Variants in OR1C1 observed in about 807,000 individuals in gnomAD.
OR1C1 encodes olfactory receptor family 1 subfamily C member 1.
For synonymous variants in OR1C1, 153 were observed against 154.6 expected (o/e 0.99, Z 0.08); for missense variants, 407 against 384.3 (o/e 1.06, Z -0.49).
rs900307486 is a variant in OR1C1 at position 247,760,506 on chromosome 1, A to G, written c.-108T>C. The G allele has an allele frequency of 1.3e-5, 2 of 151,046 alleles. No individual in the cohort carries two copies. Among genetic ancestry groups the G allele is most frequent in the Admixed American group, 6.6e-5 (1 of 15,224 alleles). The allele number at this position is 151,046 out of a possible 1,614,324, so 9.4% of individuals were successfully genotyped here. On this transcript the variant is annotated 5_prime_UTR_variant, in exon 1 of 2. Coordinates refer to ENST00000641256, the MANE Select transcript of OR1C1 (RefSeq NM_012353.3). ...GACCTATGCATTGATTCAGATTTCTAGTCAAGAGTGAAAAAGAGAAGAATG... is the reference window on the plus strand; with the variant it reads ...GACCTATGCATTGATTCAGATTTCTGGTCAAGAGTGAAAAAGAGAAGAATG...
Position 247,757,861 on chromosome 1 carries a change from A to G in OR1C1, c.546T>C (p.Asn182=), listed in dbSNP as rs1572502429. The G allele has an allele frequency of 6.2e-7, 1 of 1,614,054 alleles. No individual in the cohort carries two copies. The highest frequency in any genetic ancestry group is 1.6e-4 in the Middle Eastern group (1 of 6,062). The change falls in exon 2 of 2, where the codon AAT becomes AAC. Residue 182 remains asparagine, a synonymous_variant. Coordinates refer to ENST00000641256, the MANE Select transcript of OR1C1 (RefSeq NM_012353.3). The part of the protein sequence containing the change: ...NIIHHFFCDL[N]PLLQLSCSDV... Reference sequence around the variant, plus strand: ...CAGAGCAAGAGAGCTGCAGGAGAGGATTGAGATCACAGAAGAAATGATGGA... The same window carrying G: ...CAGAGCAAGAGAGCTGCAGGAGAGGGTTGAGATCACAGAAGAAATGATGGA...
Position 247,758,332 on chromosome 1 carries a change from G to T in OR1C1, c.75C>A (p.His25Gln), listed in dbSNP as rs1661265848. Residue 25 changes from histidine to glutamine, a missense_variant, in exon 2 of 2, where the codon CAC becomes CAA. Physicochemically the swap from His to Gln is conservative, Grantham distance 24. Transcript: ENST00000641256. Reference protein sequence around the residue: ...LGLPSSAEQQHLLSVLFLCMY... With the variant: ...LGLPSSAEQQQLLSVLFLCMY... ...TACAGAGAAAGAGCACAGACAGGAG[G>T]TGCTGCTGCTCTGCTGAGCTAGGAA... 2.5e-6 allele frequency: 4 copies of T among 1,613,730 alleles called. No individual in the cohort carries two copies. Among genetic ancestry groups the T allele is most frequent in the Non-Finnish European group, 3.4e-6 (4 of 1,179,716 alleles).
At position 247,756,149 on chromosome 1, in the gene OR1C1, CAG is replaced by C. The variant is rs939137272; in HGVS notation, c.*1311_*1312del. The C allele has an allele frequency of 1.5e-3, 230 of 152,180 alleles. 1 individual carries two copies. Among genetic ancestry groups the C allele is most frequent in the African/African-American group, 5.3e-3 (219 of 41,536 alleles). The allele number at this position is 152,180 out of a possible 1,614,324, so 9.4% of individuals were successfully genotyped here. ...CATTTTTAAACTGTTATTTTAGATT[CAG>C]GGGTACATGTGCAGATTTGCACAGG... On this transcript the variant is annotated 3_prime_UTR_variant, in exon 2 of 2. Transcript: ENST00000641256. This position sits in a 1 kb window ranked among gnomAD's most constrained non-coding sequence, Gnocchi z 4.3.
rs888721291 is a variant in OR1C1, at chr1:247,756,316, T to A, written c.*1146A>T. Reference sequence around the variant, plus strand: ...TGTTAGAAGAGCTAAAATATCTATATCAACATTGTTGCTTTTTTGAAGAAA... The same window carrying A: ...TGTTAGAAGAGCTAAAATATCTATAACAACATTGTTGCTTTTTTGAAGAAA... On this transcript the variant is annotated 3_prime_UTR_variant, in exon 2 of 2. Coordinates refer to ENST00000641256, the MANE Select transcript of OR1C1 (RefSeq NM_012353.3). This position sits in a 1 kb window ranked among gnomAD's most constrained non-coding sequence, Gnocchi z 4.3. 6.6e-6 allele frequency: 1 copy of A among 152,200 alleles called. No individual in the cohort carries two copies. Among genetic ancestry groups the A allele is most frequent in the Non-Finnish European group, 1.5e-5 (1 of 68,034 alleles). 9.4% of individuals were successfully genotyped at this position (152,200 alleles called of 1,614,324 possible). A position where few individuals can be genotyped will look rare whatever the true frequency, so the allele number is the denominator to read the frequency against.
chr1:247,759,785 C>T (rs1234778574), intron 1 of OR1C1, among the ~76,000 whole-genome samples: 1 of 152,128 alleles, frequency 6.6e-6, no homozygotes, highest in Non-Finnish European at 1.5e-5. Flanking sequence ...CCTCTGATTC[C>T]TGTCAACTTT....
chr1:247,757,452 A>C lies in OR1C1; in HGVS notation c.*10T>G. Reference sequence around the variant, plus strand: ...CACATTAGTATTATTTAATTCAGTCACTGAGGTCATTATTGCTGCTGAAAG... The same window carrying C: ...CACATTAGTATTATTTAATTCAGTCCCTGAGGTCATTATTGCTGCTGAAAG... On this transcript the variant is annotated 3_prime_UTR_variant, in exon 2 of 2. Coordinates refer to ENST00000641256, the MANE Select transcript of OR1C1 (RefSeq NM_012353.3). The C allele has an allele frequency of 6.3e-7, 1 of 1,597,448 alleles. No individual in the cohort carries two copies. The highest frequency in any genetic ancestry group is 8.6e-7 in the Non-Finnish European group (1 of 1,166,970).
Position 247,757,596 on chromosome 1 carries a change from C to T in OR1C1, c.811G>A (p.Asp271Asn), listed in dbSNP as rs774677753. 64 of 1,613,990 alleles carry T rather than the reference C, an allele frequency of 4.0e-5. 1 individual carries two copies. The highest frequency in any genetic ancestry group is 3.3e-4 in the Middle Eastern group (2 of 6,062). Residue 271 changes from aspartate to asparagine, a missense_variant, in exon 2 of 2, where the codon GAC (aspartate) becomes AAC (asparagine). Physicochemically the swap from Asp to Asn is conservative, Grantham distance 23. Transcript: ENST00000641256. ...GAATACATGATGGTTGACAGAGTGT[C>T]GCTCTCAGGCATATGGGGGGATGAA... Reference protein sequence around the residue: ...SPSSPHMPESDTLSTIMYSMV... With the variant: ...SPSSPHMPESNTLSTIMYSMV...
In OR1C1 at chr1:247,760,490, A is replaced by G. The variant is rs1661312858; in HGVS notation, c.-92T>C. The G allele has an allele frequency of 6.6e-6, 1 of 152,156 alleles. No homozygotes were observed. Among genetic ancestry groups the G allele is most frequent in the Non-Finnish European group, 1.5e-5 (1 of 68,026 alleles). The allele number at this position is 152,156 out of a possible 1,614,324, so 9.4% of individuals were successfully genotyped here. A position where few individuals can be genotyped will look rare whatever the true frequency, so the allele number is the denominator to read the frequency against. ...CACAAAAGCATAGATGGACCTATGC[A>G]TTGATTCAGATTTCTAGTCAAGAGT... is the stretch of plus-strand genomic sequence containing the variant. On this transcript the variant is annotated 5_prime_UTR_variant, in exon 1 of 2. An upstream start codon of the reference 5' UTR is lost. Transcript: ENST00000641256.
chr1:247,757,946 A>G lies in OR1C1; in HGVS notation c.461T>C (p.Leu154Pro). The G allele has an allele frequency of 6.2e-7, 1 of 1,614,046 alleles. No individual in the cohort carries two copies. The highest frequency in any genetic ancestry group is 8.5e-7 in the Non-Finnish European group (1 of 1,179,984). Residue 154 changes from leucine (L) to proline (P), a missense_variant, in exon 2 of 2, where the codon CTC becomes CCC. Transcript: ENST00000641256. ...LVAGLWLVTY[L>P]HALLHTVLIA... ...TAGGACAGTATGCAGGAGGGCGTGG[A>G]GGTAAGTAACAAGCCACAGTCCAGC...
At position 247,757,850 on chromosome 1, in the gene OR1C1, T is replaced by A. The variant is rs1444845593; in HGVS notation, c.557A>T (p.Gln186Leu). ...HFFCDLNPLLQLSCSDVSFNV... is the reference protein window; with the variant it reads ...HFFCDLNPLLLLSCSDVSFNV... ...GAAGGAGACGTCAGAGCAAGAGAGCTGCAGGAGAGGATTGAGATCACAGAA... is the reference window on the plus strand; with the variant it reads ...GAAGGAGACGTCAGAGCAAGAGAGCAGCAGGAGAGGATTGAGATCACAGAA... The change falls in exon 2 of 2, where the codon CAG becomes CTG. Residue 186 changes from glutamine (Q) to leucine (L), a missense_variant. By Grantham distance (113) the Gln-to-Leu change is moderately radical. Transcript: ENST00000641256. 4 of 1,614,014 alleles carry A rather than the reference T, an allele frequency of 2.5e-6. No homozygotes were observed. The highest frequency in any genetic ancestry group is 3.3e-4 in the Middle Eastern group (2 of 6,062).
rs896063047 is a variant in OR1C1 at position 247,755,856 on chromosome 1, T to C, written c.*1606A>G. On this transcript the variant is annotated 3_prime_UTR_variant, in exon 2 of 2. Coordinates refer to ENST00000641256, the MANE Select transcript of OR1C1 (RefSeq NM_012353.3). ...TATGTCAATATAATATTGGATGTCATGGGGTAGTAGGCTGCCCAACCTGAA... is the reference window on the plus strand; with the variant it reads ...TATGTCAATATAATATTGGATGTCACGGGGTAGTAGGCTGCCCAACCTGAA... 3.3e-5 allele frequency: 5 copies of C among 152,192 alleles called. No individual in the cohort carries two copies. The highest frequency in any genetic ancestry group is 5.9e-5 in the Non-Finnish European group (4 of 68,062). 9.4% of individuals were successfully genotyped at this position (152,192 alleles called of 1,614,324 possible). A position where few individuals can be genotyped will look rare whatever the true frequency, so the allele number is the denominator to read the frequency against.
chr1:247,758,457 T>C (rs1268544596), intron 1 of OR1C1, 38 bp from the exon 2 acceptor site: 2 of 1,071,462 alleles, frequency 1.9e-6, no homozygotes, highest in Non-Finnish European at 2.8e-6. Flanking sequence ...AAGCCAGCAG[T>C]GTTAAGTCTC....
In OR1C1 at chr1:247,758,228, T is replaced by C. The variant is rs1661262295; in HGVS notation, c.179A>G (p.Tyr60Cys). 5 of 1,613,774 alleles carry C rather than the reference T, an allele frequency of 3.1e-6. No homozygotes were observed. The highest frequency in any genetic ancestry group is 1.1e-5 in the South Asian group (1 of 91,066). ...GFDSHLHSPM[Y>C]FFLSNLAFVD... ...AAAGGCCAAGTTACTAAGGAAGAAG[T>C]ACATAGGGGAATGGAGGTGAGAGTC... The change falls in exon 2 of 2, where the codon TAC (tyrosine) becomes TGC (cysteine). Residue 60 changes from tyrosine to cysteine, a missense_variant. Physicochemically the swap from Tyr to Cys is radical, Grantham distance 194 (BLOSUM62 -2). Transcript: ENST00000641256.
rs1376051828 is a variant in OR1C1, at chr1:247,755,347, A to G, written c.*2115T>C. On this transcript the variant is annotated 3_prime_UTR_variant, in exon 2 of 2. Coordinates refer to ENST00000641256, the MANE Select transcript of OR1C1 (RefSeq NM_012353.3). ...CTAAAAGTCTTTTACAGCAAAGGTA[A>G]CAACCAACAGAATGAAGAGATGACC... 1 of 152,214 alleles carries G rather than the reference A, an allele frequency of 6.6e-6. No homozygotes were observed. Among genetic ancestry groups the G allele is most frequent in the African/African-American group, 2.4e-5 (1 of 41,464 alleles). The allele number at this position is 152,214 out of a possible 1,614,324, so 9.4% of individuals were successfully genotyped here.
In OR1C1 at chr1:247,757,701, T is replaced by C. The variant is rs773835041; in HGVS notation, c.706A>G (p.Arg236Gly). 4 of 1,613,938 alleles carry C rather than the reference T, an allele frequency of 2.5e-6. No homozygotes were observed. In the African/African-American group the frequency reaches 5.3e-5, roughly 22 times the overall value. ...LKITSTQGKQ[R>G]AVSTCSCHLS... ...TGGCAGCTGCAGGTGGAAACAGCTC[T>C]CTGCTTGCCCTGAGTAGAGGTGATC... Residue 236 changes from arginine (R) to glycine (G), a missense_variant, in exon 2 of 2, where the codon AGA becomes GGA. Transcript: ENST00000641256.
Position 247,757,773 on chromosome 1 carries a change from C to G in OR1C1, c.634G>C (p.Val212Leu). Residue 212 changes from valine (V) to leucine (L), a missense_variant, in exon 2 of 2, where the codon GTC becomes CTC. Coordinates refer to ENST00000641256, the MANE Select transcript of OR1C1 (RefSeq NM_012353.3). ...AGTCCATAAGATACGAGGATACAGA[C>G]AAGGGGCGTGAGAGCCAATAGACCT... ...VGGLLALTPL[V>L]CILVSYGLIF... 6.2e-7 allele frequency: 1 copy of G among 1,613,964 alleles called. No homozygotes were observed. Among genetic ancestry groups the G allele is most frequent in the Non-Finnish European group, 8.5e-7 (1 of 1,179,982 alleles).
Position 247,757,530 on chromosome 1 carries a change from T to G in OR1C1, c.877A>C (p.Arg293=). Residue 293 remains arginine, a synonymous_variant, in exon 2 of 2, where the codon AGG becomes CGG. Coordinates refer to ENST00000641256, the MANE Select transcript of OR1C1 (RefSeq NM_012353.3). The stretch of plus-strand genomic sequence containing the variant: ...AGTCCCCTCTTCATATCCCTGTTCC[T>G]TAGGGTATAGATGAAAGGATTCAGC... The part of the protein sequence containing the change: ...PMLNPFIYTL[R]NRDMKRGLQK... 2 of 1,613,984 alleles carry G rather than the reference T, an allele frequency of 1.2e-6. No individual in the cohort carries two copies. Among genetic ancestry groups the G allele is most frequent in the Non-Finnish European group, 1.7e-6 (2 of 1,179,980 alleles).
At chr1:247,759,459 T>C (rs115059526) in intron 1 of OR1C1, among the ~76,000 whole-genome samples, 2,412 of 152,294 alleles carry the variant, frequency 0.016, 69 homozygotes, top group African/African-American at 0.055. Flanking sequence ...TTCAGTTATG[T>C]TATTTAAGCC....
Position 247,758,167 on chromosome 1 carries a change from T to C in OR1C1, c.240A>G (p.Gln80=), listed in dbSNP as rs1661260319. Residue 80 remains glutamine, a synonymous_variant, in exon 2 of 2, where the codon CAA becomes CAG. Coordinates refer to ENST00000641256, the MANE Select transcript of OR1C1 (RefSeq NM_012353.3). The part of the protein sequence containing the change: ...DICFTSTTVP[Q]MVVNILTGTK... ...TGCCAGTCAAGATATTCACTACCATTTGGGGGACTGTAGTCGACGTAAAGC... is the reference window on the plus strand; with the variant it reads ...TGCCAGTCAAGATATTCACTACCATCTGGGGGACTGTAGTCGACGTAAAGC... 1.2e-6 allele frequency: 2 copies of C among 1,613,882 alleles called. No individual in the cohort carries two copies. The highest frequency in any genetic ancestry group is 1.3e-5 in the African/African-American group (1 of 74,888).
Sources: allele counts gnomAD v4.1 joint callset (sites outside exome capture counted in the v4.1 genomes callset), GRCh38; gene constraint gnomAD v4.1.1; non-coding constraint Gnocchi (gnomAD v3.1); transcripts MANE v1.5; gene names NCBI Gene and HGNC (gene_info 2026-07-23, HGNC 2026-07-21).